The following STOX2 variants were observed in gnomAD, a reference collection of about 807,000 sequenced individuals.
STOX2 encodes storkhead-box protein 2.
STOX2 carries 28 observed loss-of-function variants against 60.9 expected under a neutral mutation model. That is an observed-to-expected ratio of 0.46 (90% CI 0.34 to 0.63). The LOEUF (loss-of-function observed/expected upper bound fraction) is 0.63. Ranked by LOEUF, STOX2 falls within the 30% of genes least tolerant of loss-of-function variation. The probability of loss-of-function intolerance (pLI) is 0.01; values close to 1 mark genes in which losing one functional copy is unlikely to be tolerated. For missense variants in STOX2, 1,024 were observed against 1,187.7 expected, an observed-to-expected ratio of 0.86 and a Z score of 2.03; for synonymous variants, 472 against 463.9, an observed-to-expected ratio of 1.02 and a Z score of -0.22.
At chr4:183,840,693 A>G (rs17075085) in intron 1 of STOX2, among the ~76,000 whole-genome samples, 1 of 152,192 alleles carries the variant, frequency 6.6e-6, no homozygotes, top group East Asian at 1.9e-4. Flanking sequence ...CATAATTCTC[A>G]TACTCTGAAG....
In STOX2 at chr4:184,011,136, C is replaced by T. The variant is rs554973538; in HGVS notation, c.2298C>T (p.Asn766=). 18 of 1,575,486 alleles carry T rather than the reference C, an allele frequency of 1.1e-5. No homozygotes were observed. The African/African-American group carries it at 2.3e-4, about 20-fold the overall frequency. The change falls in exon 3 of 4, where the codon AAC becomes AAT. Residue 766 remains asparagine, a synonymous_variant. Transcript: ENST00000308497. This position sits in a 1 kb window ranked among gnomAD's most constrained non-coding sequence, Gnocchi z 4.4. ...ASQRQQESGG[N]QEASFDYYNV... is the part of the protein sequence containing the mutation. Reference sequence around the variant, plus strand: ...AGCGTCAGCAGGAGTCAGGAGGGAACCAGGAAGCCTCTTTTGACTATTACA... The same window carrying T: ...AGCGTCAGCAGGAGTCAGGAGGGAATCAGGAAGCCTCTTTTGACTATTACA...
At chr4:183,914,450 A>T (rs1228849711) in intron 1 of STOX2, among the ~76,000 whole-genome samples, 4 of 152,332 alleles carry the variant, frequency 2.6e-5, no homozygotes, top group Admixed American at 1.3e-4. Flanking sequence ...AAATAAAAAT[A>T]AAAATAAAAA....
At chr4:183,871,756 G>A (rs1414662390) in intron 1 of STOX2, among the ~76,000 whole-genome samples, 1 of 151,592 alleles carries the variant, frequency 6.6e-6, no homozygotes, top group East Asian at 1.9e-4. Context: ...TCTTTTTAGG[G>A]GAAAAAATGA....
intron 1 of STOX2, among the ~76,000 whole-genome samples, chr4:183,896,488 C>T (rs552468561): frequency 6.6e-6 from 1 of 152,312 alleles, no homozygotes; most frequent in South Asian, 2.1e-4. Context: ...ACTACAGGTG[C>T]ACCCCACCAT....
intron 1 of STOX2, among the ~76,000 whole-genome samples, chr4:183,996,703 T>C (rs1733360754): frequency 6.6e-6 from 1 of 152,210 alleles, no homozygotes; most frequent in Non-Finnish European, 1.5e-5. Context: ...TGTTCTAAAC[T>C]TCACTTAATA....
At chr4:183,968,415 A>G (rs1245135728) in intron 1 of STOX2, among the ~76,000 whole-genome samples, 1 of 152,004 alleles carries the variant, frequency 6.6e-6, no homozygotes, top group Admixed American at 6.6e-5. Flanking sequence ...TTTTTGATCA[A>G]GTAAAGTTAT....
chr4:183,807,130 GCCCA>G (rs1561100459), intron 1 of STOX2, among the ~76,000 whole-genome samples: 9 of 151,962 alleles, frequency 5.9e-5, no homozygotes, highest in Non-Finnish European at 1.0e-4. Context: ...CCACCACCAC[GCCCA>G]GCTAATTTTT....
rs79341474 is a variant in STOX2, at chr4:183,836,608, T to C, written c.364+38553T>C. On this transcript the variant is annotated intron_variant, in intron 1 of 2. Transcript: ENST00000513034. This position sits in a 1 kb window ranked among gnomAD's most constrained non-coding sequence, Gnocchi z 4.1. ...CATGGCCCCATACAATGGGAAGGGA[T>C]CTGGGAAGTGCAGTCTTCCATGTCC... Among the ~76,000 whole-genome samples the C allele has an allele frequency of 4.4e-3, 668 of 152,298 alleles. 5 individuals carry two copies. The highest frequency in any genetic ancestry group is 0.015 in the African/African-American group (608 of 41,540).
chr4:183,843,092 G>A (rs1165590978), intron 1 of STOX2, among the ~76,000 whole-genome samples: 1 of 146,554 alleles, frequency 6.8e-6, no homozygotes, highest in Non-Finnish European at 1.5e-5. Flanking sequence ...AGGTTGCAGC[G>A]AGCCAAGATC....
chr4:183,859,921 AGAT>A, intron 1 of STOX2, among the ~76,000 whole-genome samples: 2 of 34,606 alleles, frequency 5.8e-5, no homozygotes, highest in African/African-American at 1.6e-4. Context: ...CTGACAGATT[AGAT>A]TAGATTAGAT....
At chr4:183,819,558 T>TGGGGAGAGGGAGAGGGGGAGGGGG in intron 1 of STOX2, among the ~76,000 whole-genome samples, 1 of 34,416 alleles carries the variant, frequency 2.9e-5, no homozygotes, top group Non-Finnish European at 5.4e-5. Context: ...AGGGAGACTG[T>TGGGGAGAGGGAGAGGGGGAGGGGG]GGGGAGAGGG....
intron 1 of STOX2, among the ~76,000 whole-genome samples, chr4:183,972,412 T>C (rs1743771367): frequency 6.6e-6 from 1 of 152,150 alleles, no homozygotes; most frequent in Non-Finnish European, 1.5e-5. Context: ...TCAAGAGAGC[T>C]ATTGCATAAA....
At position 184,009,987 on chromosome 4, in the gene STOX2, T is replaced by C; in HGVS notation, c.1149T>C (p.Pro383=). ...HSKTRVSKGD[P]SDGSHLDIPA... Reference sequence around the variant, plus strand: ...AGACACGGGTGTCTAAAGGAGACCCTTCCGACGGTTCACATCTGGATATCC... The same window carrying C: ...AGACACGGGTGTCTAAAGGAGACCCCTCCGACGGTTCACATCTGGATATCC... The change falls in exon 3 of 4, where the codon CCT becomes CCC. Residue 383 remains proline (P), a synonymous_variant. Transcript: ENST00000308497. This position sits in a 1 kb window ranked among gnomAD's most constrained non-coding sequence, Gnocchi z 4.0. 6.2e-7 allele frequency: 1 copy of C among 1,613,892 alleles called. No individual in the cohort carries two copies. The highest frequency in any genetic ancestry group is 8.5e-7 in the Non-Finnish European group (1 of 1,179,858).
chr4:183,863,126 C>T (rs1366674973), intron 1 of STOX2, among the ~76,000 whole-genome samples: 3 of 152,152 alleles, frequency 2.0e-5, no homozygotes, highest in Admixed American at 6.5e-5. Context: ...ACATCGGTGG[C>T]GTACAGGACT....
At chr4:183,934,513 CCTGT>C (rs1360370611) in intron 1 of STOX2, among the ~76,000 whole-genome samples, 3 of 152,078 alleles carry the variant, frequency 2.0e-5, no homozygotes, top group African/African-American at 7.2e-5. Flanking sequence ...TTCTATATAG[CCTGT>C]CTTTTATTCT....
chr4:183,953,190 TA>T (rs985744238), intron 1 of STOX2, among the ~76,000 whole-genome samples: 1 of 150,026 alleles, frequency 6.7e-6, no homozygotes, highest in African/African-American at 2.4e-5. Context: ...AGTATAATTT[TA>T]AAAAAAAAAG....
intron 1 of STOX2, among the ~76,000 whole-genome samples, chr4:183,800,850 C>G (rs544499985): frequency 6.6e-6 from 1 of 152,336 alleles, no homozygotes; most frequent in South Asian, 2.1e-4. Context: ...TGCCCTGTCT[C>G]TTGACTTGGG....
intron 1 of STOX2, among the ~76,000 whole-genome samples, chr4:183,955,948 C>G (rs1275424891): frequency 7.2e-6 from 1 of 139,164 alleles, no homozygotes; most frequent in Non-Finnish European, 1.6e-5. Flanking sequence ...AGTGTGACAG[C>G]AGTCCAGAGG....
At position 184,021,955 on chromosome 4, in the gene STOX2, C is replaced by G. The variant is rs529186480; in HGVS notation, c.*4671C>G. ...CCCATCTCCCCCAGGACCATCCCGC[C>G]CATTGTCAACGTCATCCAGGGCTCT... On this transcript the variant is annotated 3_prime_UTR_variant, in exon 4 of 4. Transcript: ENST00000308497. The G allele has an allele frequency of 6.6e-6, 1 of 152,452 alleles. No individual in the cohort carries two copies. The highest frequency in any genetic ancestry group is 1.9e-4 in the East Asian group (1 of 5,192). The allele number at this position is 152,452 out of a possible 1,614,324, so 9.4% of individuals were successfully genotyped here.
Sources: gnomAD v4.1 joint callset for allele counts (sites outside exome capture counted in the v4.1 genomes callset) on GRCh38, gnomAD v4.1.1 for gene constraint, Gnocchi (gnomAD v3.1) non-coding constraint, MANE v1.5 for transcripts, NCBI Gene and HGNC (gene_info 2026-07-23, HGNC 2026-07-21) for gene names.